Variants in SYT9 observed in about 807,000 individuals in gnomAD.
SYT9 encodes the protein synaptotagmin-9.
SYT9 carries 22 observed loss-of-function variants against 48.4 expected under a neutral mutation model. The ratio of observed to expected loss-of-function variants is 0.45; its 90% CI spans 0.32 to 0.65. SYT9 has a LOEUF of 0.65. Ranked by LOEUF, SYT9 falls within the 30% of genes least tolerant of loss-of-function variation. SYT9 has a pLI of 0.03. For synonymous variants in SYT9, 265 were observed against 245.0 expected, an observed-to-expected ratio of 1.08 and a Z score of -0.76; for missense variants, 577 against 622.0, an observed-to-expected ratio of 0.93 and a Z score of 0.77.
intron 3 of SYT9, among the ~76,000 whole-genome samples, chr11:7,379,574 A>G (rs1304138431): frequency 6.6e-6 from 1 of 152,114 alleles, no homozygotes; most frequent in African/African-American, 2.4e-5. Flanking sequence ...AATCATTGGA[A>G]TCATGAAGAA....
intron 6 of SYT9, among the ~76,000 whole-genome samples, chr11:7,464,853 C>T (rs564658374): frequency 3.9e-5 from 6 of 151,902 alleles, no homozygotes; most frequent in Non-Finnish European, 7.4e-5. Context: ...GAGGCCGAGG[C>T]GGGCGGATCA....
chr11:7,423,551 C>T (rs1847395520), intron 6 of SYT9, among the ~76,000 whole-genome samples: 1 of 152,210 alleles, frequency 6.6e-6, no homozygotes, highest in Non-Finnish European at 1.5e-5. Context: ...GAGGATTAAA[C>T]AATCTATTTA....
At chr11:7,306,618 C>G (rs1278023984) in intron 2 of SYT9, among the ~76,000 whole-genome samples, 1 of 152,196 alleles carries the variant, frequency 6.6e-6, no homozygotes, top group Non-Finnish European at 1.5e-5. Flanking sequence ...ACGTTGTTCC[C>G]TCAGCCAGGA....
intron 3 of SYT9, among the ~76,000 whole-genome samples, chr11:7,369,758 C>T (rs576356169): frequency 7.0e-6 from 1 of 142,892 alleles, no homozygotes; most frequent in South Asian, 2.3e-4. Flanking sequence ...AACTTGTTAA[C>T]TTTATTTCTA....
At chr11:7,440,611 G>A (rs1488066619) in intron 6 of SYT9, 1 of 152,206 alleles carries the variant, frequency 6.6e-6, no homozygotes, top group Admixed American at 6.5e-5. Context: ...GTGGAACAAT[G>A]AAAGATGTGA....
intron 3 of SYT9, among the ~76,000 whole-genome samples, chr11:7,373,022 TTAA>T (rs1564880782): frequency 1.3e-5 from 2 of 152,184 alleles, no homozygotes; most frequent in East Asian, 3.8e-4. Flanking sequence ...CTTCAGTTCA[TTAA>T]TATGATTTAT....
intron 6 of SYT9, among the ~76,000 whole-genome samples, chr11:7,422,620 T>G (rs1261057876): frequency 6.6e-6 from 1 of 152,228 alleles, no homozygotes; most frequent in East Asian, 1.9e-4. Context: ...TTATTGGTAA[T>G]TAGGAGTATC....
chr11:7,454,059 C>G (rs990885611), intron 6 of SYT9: 1 of 985,438 alleles, frequency 1.0e-6, no homozygotes, highest in East Asian at 1.1e-4. Context: ...GGATACCAAT[C>G]CCTAAGTCCA....
upstream of SYT9, among the ~76,000 whole-genome samples, chr11:7,249,770 C>T (rs938234502): frequency 3.9e-5 from 6 of 152,228 alleles, no homozygotes; most frequent in East Asian, 9.7e-4. Context: ...GATGAGAAAC[C>T]CTAGGCACAA....
intron 1 of SYT9, among the ~76,000 whole-genome samples, chr11:7,301,332 A>G (rs1217123899): frequency 6.6e-6 from 1 of 152,204 alleles, no homozygotes; most frequent in Admixed American, 6.5e-5. Flanking sequence ...TTCTTTTAAG[A>G]GCAATTTTTG....
chr11:7,312,662 G>A (rs1849161965), intron 2 of SYT9, among the ~76,000 whole-genome samples: 1 of 152,304 alleles, frequency 6.6e-6, no homozygotes, highest in East Asian at 1.9e-4. Context: ...GCCATCTCCA[G>A]TTGAATCCCT....
Position 7,293,511 on chromosome 11 carries a change from C to A in SYT9, c.146-9528C>A, listed in dbSNP as rs531107191. ...CTGCAAGAATGAAAAGCAGGAATGGCCCTAAGTTTTAGCCTTCAGTTAATT... is the reference window on the plus strand; with the variant it reads ...CTGCAAGAATGAAAAGCAGGAATGGACCTAAGTTTTAGCCTTCAGTTAATT... On this transcript the variant is annotated intron_variant, in intron 1 of 6. Coordinates refer to ENST00000318881, the MANE Select transcript of SYT9 (RefSeq NM_175733.4). Among the ~76,000 whole-genome samples the A allele has an allele frequency of 3.3e-5, 5 of 152,270 alleles. 1 individual carries two copies. The South Asian group carries it at 1.0e-3, about 32-fold the overall frequency.
At chr11:7,398,695 C>T (rs1294509607) in intron 3 of SYT9, among the ~76,000 whole-genome samples, 3 of 152,214 alleles carry the variant, frequency 2.0e-5, no homozygotes, top group South Asian at 2.1e-4. Flanking sequence ...TTCTCGTGTA[C>T]GGGTTAAGCA....
intron 6 of SYT9, chr11:7,456,706 T>C (rs1354470822): frequency 6.6e-6 from 1 of 152,226 alleles, no homozygotes; most frequent in Non-Finnish European, 1.5e-5. Flanking sequence ...CAGAACTCCA[T>C]TGGTCCCTAT....
intron 6 of SYT9, among the ~76,000 whole-genome samples, chr11:7,423,369 G>A (rs1195999844): frequency 6.6e-6 from 1 of 152,202 alleles, no homozygotes; most frequent in African/African-American, 2.4e-5. Flanking sequence ...CAGCTGTAAG[G>A]ATGGAGGAGG....
chr11:7,432,017 G>T (rs1196888391), intron 6 of SYT9, among the ~76,000 whole-genome samples: 1 of 152,200 alleles, frequency 6.6e-6, no homozygotes, highest in Non-Finnish European at 1.5e-5. Flanking sequence ...AGTGTCTAAG[G>T]GAACTATGAG....
chr11:7,292,982 C>G (rs1022658722), intron 1 of SYT9, among the ~76,000 whole-genome samples: 5 of 152,188 alleles, frequency 3.3e-5, no homozygotes, highest in African/African-American at 1.2e-4. Context: ...GACACAAGAA[C>G]TTAAATCTGG....
At position 7,276,946 on chromosome 11, in the gene SYT9, C is replaced by T. The variant is rs1031550847; in HGVS notation, c.145+24615C>T. 7.9e-5 allele frequency among the ~76,000 whole-genome samples: 12 copies of T among 151,738 alleles called. No homozygotes were observed. In the East Asian group the frequency reaches 1.2e-3, roughly 15 times the overall value. ...GCAGGCGCCTGTAATCCCAGCTACTCGGGAGGCTGAGGAAGGAGAATTGCT... is the reference window on the plus strand; with the variant it reads ...GCAGGCGCCTGTAATCCCAGCTACTTGGGAGGCTGAGGAAGGAGAATTGCT... On this transcript the variant is annotated intron_variant, in intron 1 of 6. Coordinates refer to ENST00000318881, the MANE Select transcript of SYT9 (RefSeq NM_175733.4).
rs975739900 is a variant in SYT9, at chr11:7,411,518, C to CTT, written c.1045-4518_1045-4517dup. Among the ~76,000 whole-genome samples the CTT allele has an allele frequency of 2.0e-5, 3 of 152,204 alleles. No homozygotes were observed. In the East Asian group the frequency reaches 5.8e-4, roughly 29 times the overall value. On this transcript the variant is annotated intron_variant, in intron 3 of 6. Transcript: ENST00000318881. The stretch of plus-strand genomic sequence containing the variant: ...TGCTACATAGTATATACTTAAGTGG[C>CTT]TTTTTTTCTTCACCACTTTGAATAT...
Sources: allele counts gnomAD v4.1 joint callset (sites outside exome capture counted in the v4.1 genomes callset), GRCh38; gene constraint gnomAD v4.1.1; transcripts MANE v1.5; gene names NCBI Gene and HGNC (gene_info 2026-07-23, HGNC 2026-07-21).